The following FOXP1 variants were observed in gnomAD, a reference collection of about 807,000 sequenced individuals.
The protein encoded by FOXP1 is forkhead box protein P1.
A neutral mutation model predicts 98.2 loss-of-function variants in FOXP1; 15 were observed. That is an observed-to-expected ratio of 0.15 (90% CI 0.10 to 0.24). FOXP1 has a LOEUF of 0.24. FOXP1 is among the 10% of genes least tolerant of loss of function. FOXP1 has a pLI of 1.00. For missense variants in FOXP1, 633 were observed against 848.5 expected (o/e 0.75, Z 3.15); for synonymous variants, 371 against 314.5 (o/e 1.18, Z -1.90).
intron 3 of FOXP1, among the ~76,000 whole-genome samples, chr3:71,439,569 C>T (rs761952310): frequency 9.9e-5 from 15 of 152,278 alleles, no homozygotes; most frequent in East Asian, 1.9e-4. Flanking sequence ...AATACTTAAA[C>T]GGTGGTGGCA....
At position 70,966,050 on chromosome 3, in the gene FOXP1, T is replaced by C. The variant is rs1378874497; in HGVS notation, c.1729A>G (p.Met577Val). The stretch of plus-strand genomic sequence containing the variant: ...TATAGAGGTATACTATTCTCAGCCA[T>C]TGAAGCCTGTCATCAACCAAGAGAA... Reference protein sequence around the residue: ...TPLNAALQASMAENSIPLYTT... With the variant: ...TPLNAALQASVAENSIPLYTT... Residue 577 changes from methionine to valine, a missense_variant, in exon 20 of 21, where the codon ATG becomes GTG. By Grantham distance (21) the Met-to-Val change is conservative (BLOSUM62 1). Around this residue, in one of 6 missense-constraint regions of FOXP1, gnomAD observed 150 missense variants for 163.7 expected, o/e 0.92. Transcript: ENST00000649528. 3.1e-6 allele frequency: 5 copies of C among 1,614,134 alleles called. No individual in the cohort carries two copies. The highest frequency in any genetic ancestry group is 2.7e-5 in the African/African-American group (2 of 75,038).
chr3:71,182,950 A>G (rs1204265022), intron 6 of FOXP1, among the ~76,000 whole-genome samples: 1 of 151,972 alleles, frequency 6.6e-6, no homozygotes, highest in Non-Finnish European at 1.5e-5. Flanking sequence ...TTACATTATG[A>G]TAATTTTTAA....
chr3:71,529,516 C>T (rs1578031244), intron 2 of FOXP1, among the ~76,000 whole-genome samples: 1 of 152,176 alleles, frequency 6.6e-6, no homozygotes, highest in East Asian at 1.9e-4. Flanking sequence ...GAGCCAGTTG[C>T]CAGGGAAACC....
chr3:71,277,485 G>C (rs1381644627), intron 5 of FOXP1, among the ~76,000 whole-genome samples: 1 of 151,978 alleles, frequency 6.6e-6, no homozygotes, highest in South Asian at 2.1e-4. Flanking sequence ...AAGACTTCCT[G>C]TTCCTTGCCT....
At chr3:71,546,658 C>T (rs1349936169) in intron 2 of FOXP1, among the ~76,000 whole-genome samples, 2 of 151,950 alleles carry the variant, frequency 1.3e-5, no homozygotes, top group East Asian at 1.9e-4. Flanking sequence ...CCCAATGCAG[C>T]GAAGCACACC....
chr3:71,380,698 A>ATTTTTTTTTTTTTT (rs11395817), intron 3 of FOXP1, among the ~76,000 whole-genome samples: 1 of 100,264 alleles, frequency 1.0e-5, no homozygotes, highest in Admixed American at 1.2e-4. Flanking sequence ...CTTTTTAGAC[A>ATTTTTTTTTTTTTT]TTTTTTTTTT....
rs79378251 is a variant in FOXP1 at position 71,021,473 on chromosome 3, G to T, written c.870-5820C>A. ...AACATTTGGGCTATTTCCACATTTT[G>T]GCTATTGCGAGTAGTGCTGGTATGA... is the stretch of plus-strand genomic sequence containing the variant. On this transcript the variant is annotated intron_variant, in intron 11 of 20. Coordinates refer to ENST00000649528, the MANE Select transcript of FOXP1 (RefSeq NM_001349338.3). Among the ~76,000 whole-genome samples the T allele has an allele frequency of 8.8e-3, 1,334 of 152,216 alleles. 29 individuals carry two copies. The highest frequency in any genetic ancestry group is 8.6e-3 in the Non-Finnish European group (588 of 68,012).
At chr3:71,025,906 C>G (rs1466820471) in intron 11 of FOXP1, among the ~76,000 whole-genome samples, 1 of 152,204 alleles carries the variant, frequency 6.6e-6, no homozygotes, top group East Asian at 1.9e-4. Context: ...TGAGGAAAAG[C>G]AGAGTCACAA....
intron 18 of FOXP1, chr3:70,971,793 C>G (rs189413182): frequency 2.5e-6 from 1 of 399,006 alleles, no homozygotes; most frequent in African/African-American, 2.1e-5. Context: ...CAAAATAGAA[C>G]GAATATTTGC....
At chr3:71,107,971 C>A (rs1052608415) in intron 7 of FOXP1, among the ~76,000 whole-genome samples, 1 of 152,134 alleles carries the variant, frequency 6.6e-6, no homozygotes, top group African/African-American at 2.4e-5. Flanking sequence ...AAAGGGCCGG[C>A]CTTCTAAGTG....
intron 3 of FOXP1, among the ~76,000 whole-genome samples, chr3:71,370,786 G>GT (rs1219667896): frequency 6.6e-5 from 9 of 136,042 alleles, no homozygotes; most frequent in South Asian, 2.5e-4. Flanking sequence ...CAACCCTAGA[G>GT]TTTTTTTTGT....
At chr3:70,976,848 T>C (rs2037671695) in intron 17 of FOXP1, 93 bp downstream of exon 17, 2 of 888,990 alleles carry the variant, frequency 2.2e-6, no homozygotes, top group African/African-American at 1.6e-5. Flanking sequence ...ACAATATAAA[T>C]GTAGCTTCCT....
At chr3:71,431,080 C>T (rs559538430) in intron 3 of FOXP1, among the ~76,000 whole-genome samples, 67 of 152,250 alleles carry the variant, frequency 4.4e-4, no homozygotes, top group African/African-American at 1.5e-3. Flanking sequence ...GAAGATGAGC[C>T]GGTGGACATG....
intron 13 of FOXP1, among the ~76,000 whole-genome samples, chr3:70,998,373 G>GA (rs542275798): frequency 1.6e-4 from 24 of 152,268 alleles, no homozygotes; most frequent in Middle Eastern, 3.4e-3. Context: ...ATGTTCTTCA[G>GA]ATTTTTCCCT....
intron 20 of FOXP1, among the ~76,000 whole-genome samples, chr3:70,960,109 C>A (rs2032965004): frequency 6.6e-6 from 1 of 152,124 alleles, no homozygotes; most frequent in Non-Finnish European, 1.5e-5. Flanking sequence ...AAGCGAGGTT[C>A]TATCATTAAT....
chr3:71,455,060 G>A (rs1285467447), intron 3 of FOXP1, among the ~76,000 whole-genome samples: 1 of 152,002 alleles, frequency 6.6e-6, no homozygotes. Context: ...AATGAGGCGG[G>A]GGCAGTGTTC....
intron 3 of FOXP1, among the ~76,000 whole-genome samples, chr3:71,381,147 T>A (rs2080129412): frequency 7.2e-6 from 1 of 137,938 alleles, no homozygotes; most frequent in Admixed American, 7.3e-5. Flanking sequence ...AGACATGAGG[T>A]TCTCTCTTTT....
rs533856863 is a variant in FOXP1 at position 70,955,179 on chromosome 3, C to G, written c.*4068G>C. On this transcript the variant is annotated 3_prime_UTR_variant, in exon 21 of 21. Coordinates refer to ENST00000649528, the MANE Select transcript of FOXP1 (RefSeq NM_001349338.3). The stretch of plus-strand genomic sequence containing the variant: ...TTGTGCCTTTGGAAACGGAGTTCAG[C>G]TGGAATATGGAAAAGAGAGGAAATA... The G allele has an allele frequency of 3.9e-5, 9 of 232,484 alleles. No homozygotes were observed. The Admixed American group carries it at 5.1e-4, about 13-fold the overall frequency. 14.4% of individuals were successfully genotyped at this position (232,484 alleles called of 1,614,324 possible). A position where few individuals can be genotyped will look rare whatever the true frequency, so the allele number is the denominator to read the frequency against.
intron 3 of FOXP1, among the ~76,000 whole-genome samples, chr3:71,363,254 A>T (rs2078696366): frequency 6.6e-6 from 1 of 152,226 alleles, no homozygotes; most frequent in Admixed American, 6.5e-5. Flanking sequence ...TAACAGTGGT[A>T]GTATTTCAAC....
Sources: allele counts gnomAD v4.1 joint callset (sites outside exome capture counted in the v4.1 genomes callset), GRCh38; gene constraint gnomAD v4.1.1; regional missense constraint gnomAD v4.1.1; transcripts MANE v1.5; gene names NCBI Gene and HGNC (gene_info 2026-07-23, HGNC 2026-07-21).